The following STAT4 variants were observed in gnomAD, a reference collection of about 807,000 sequenced individuals.
The protein encoded by STAT4 is signal transducer and activator of transcription 4.
In STAT4, 42 loss-of-function variants were observed where a neutral mutation model predicts 110.5. That is an observed-to-expected ratio of 0.38 (90% CI 0.30 to 0.49). The LOEUF (loss-of-function observed/expected upper bound fraction) is 0.49, where lower values mean the gene tolerates loss of function less well. Ranked by LOEUF, STAT4 falls within the 20% of genes least tolerant of loss-of-function variation. The probability of loss-of-function intolerance (pLI) is 0.95; values close to 1 mark genes in which losing one functional copy is unlikely to be tolerated. For missense variants in STAT4, 632 were observed against 887.9 expected (o/e 0.71, Z 3.66); for synonymous variants, 284 against 302.2 (o/e 0.94, Z 0.63).
rs574500856 is a variant in STAT4 at position 191,043,113 on chromosome 2, C to T, written c.1252-1965G>A. On this transcript the variant is annotated intron_variant, in intron 14 of 23. Transcript: ENST00000392320. This position sits in a 1 kb window ranked among gnomAD's most constrained non-coding sequence, Gnocchi z 4.8. ...ATTCCTGTATATATTTGAAAATGCA[C>T]ATTAAAACACTTTTTAAAAACTATA... is the stretch of plus-strand genomic sequence containing the variant. Among the ~76,000 whole-genome samples the T allele has an allele frequency of 3.4e-4, 52 of 152,314 alleles. No individual in the cohort carries two copies. Among genetic ancestry groups the T allele is most frequent in the African/African-American group, 1.2e-3 (50 of 41,568 alleles).
At chr2:191,102,546 T>C (rs1055453049) in intron 3 of STAT4, among the ~76,000 whole-genome samples, 1 of 152,200 alleles carries the variant, frequency 6.6e-6, no homozygotes, top group African/African-American at 2.4e-5. Flanking sequence ...ACTGTGCTAA[T>C]AGAATGAGCT....
chr2:191,132,757 T>A (rs1699070290), intron 3 of STAT4, among the ~76,000 whole-genome samples: 1 of 71,086 alleles, frequency 1.4e-5, no homozygotes, highest in African/African-American at 4.1e-5. Context: ...ATGGTTTTCT[T>A]TTTTTTTTTT....
In STAT4 at chr2:191,137,074, G is replaced by A. The variant is rs530011128; in HGVS notation, c.273+9539C>T. 1.7e-3 allele frequency among the ~76,000 whole-genome samples: 252 copies of A among 152,284 alleles called. 1 individual carries two copies. The highest frequency in any genetic ancestry group is 5.4e-3 in the African/African-American group (224 of 41,560). On this transcript the variant is annotated intron_variant, in intron 3 of 23. Transcript: ENST00000392320. The stretch of plus-strand genomic sequence containing the variant: ...AATTGAAGAGGGCCAGGTGCGGTGT[G>A]GCTCATGTCTGTAATCCCAGGACTT...
intron 3 of STAT4, among the ~76,000 whole-genome samples, chr2:191,141,252 A>C (rs1270930231): frequency 6.6e-6 from 1 of 151,940 alleles, no homozygotes; most frequent in African/African-American, 2.4e-5. Context: ...AGAATTTAAA[A>C]ATTTAAAAGA....
rs1017303879 is a variant in STAT4 at position 191,059,342 on chromosome 2, T to A, written c.1035-573A>T. ...ATGAACAAGTAATTGAAGTTCAGTA[T>A]AAAAATTCCTTTAATTCCTTCTGGT... On this transcript the variant is annotated intron_variant, in intron 10 of 23. Coordinates refer to ENST00000392320, the MANE Select transcript of STAT4 (RefSeq NM_003151.4). The surrounding 1 kb of genome is among the most constrained non-coding windows in gnomAD (Gnocchi z 4.7). Among the ~76,000 whole-genome samples, 3 of 152,242 alleles carry A rather than the reference T, an allele frequency of 2.0e-5. No individual in the cohort carries two copies. The highest frequency in any genetic ancestry group is 4.4e-5 in the Non-Finnish European group (3 of 68,046).
rs1317964297 is a variant in STAT4, at chr2:191,150,350, A to C, written c.-2+597T>G. 3.3e-5 allele frequency among the ~76,000 whole-genome samples: 5 copies of C among 152,146 alleles called. No homozygotes were observed. The highest frequency in any genetic ancestry group is 1.2e-4 in the African/African-American group (5 of 41,416). On this transcript the variant is annotated intron_variant, in intron 1 of 23. Transcript: ENST00000392320. The surrounding 1 kb of genome is among the most constrained non-coding windows in gnomAD (Gnocchi z 6.4). ...TCTAGGGGCTACTTCTTTCTCATGA[A>C]AACTGTGACGTTGCTTCTGAAAACT...
At chr2:191,089,816 T>C (rs1461815091) in intron 3 of STAT4, among the ~76,000 whole-genome samples, 1 of 152,168 alleles carries the variant, frequency 6.6e-6, no homozygotes, top group Non-Finnish European at 1.5e-5. Flanking sequence ...AGGCTACATA[T>C]TGTGTGATTC....
In STAT4 at chr2:191,147,427, G is replaced by A. The variant is rs1574204763; in HGVS notation, c.128+649C>T. Among the ~76,000 whole-genome samples, 1 of 152,270 alleles carries A rather than the reference G, an allele frequency of 6.6e-6. No homozygotes were observed. The highest frequency in any genetic ancestry group is 1.9e-4 in the East Asian group (1 of 5,194). ...AGTTACAAAAGGAAAAATATTGTGTGATTCCAATTATCTAAAGTACCTAGA... is the reference window on the plus strand; with the variant it reads ...AGTTACAAAAGGAAAAATATTGTGTAATTCCAATTATCTAAAGTACCTAGA... On this transcript the variant is annotated intron_variant, in intron 2 of 23. Transcript: ENST00000392320. The surrounding 1 kb of genome is among the most constrained non-coding windows in gnomAD (Gnocchi z 4.1).
chr2:191,106,701 A>AT (rs56105724), intron 3 of STAT4, among the ~76,000 whole-genome samples: 40 of 149,984 alleles, frequency 2.7e-4, no homozygotes, highest in African/African-American at 4.6e-4. Flanking sequence ...ATAAAATAAA[A>AT]AAATGTACTC....
intron 5 of STAT4, among the ~76,000 whole-genome samples, chr2:191,072,672 A>G (rs1199888844): frequency 6.6e-6 from 1 of 152,362 alleles, no homozygotes; most frequent in East Asian, 1.9e-4. Context: ...AATAAAATTG[A>G]TAAATCTCTA....
chr2:191,137,791 G>T (rs1300646785), intron 3 of STAT4, among the ~76,000 whole-genome samples: 3 of 152,034 alleles, frequency 2.0e-5, no homozygotes, highest in African/African-American at 7.2e-5. Context: ...TCAATAAATC[G>T]TGGTGGGATA....
In STAT4 at chr2:191,034,028, TAA is replaced by T; in HGVS notation, c.1621-25_1621-24del. On this transcript the variant is annotated intron_variant, in intron 18 of 23. Coordinates refer to ENST00000392320, the MANE Select transcript of STAT4 (RefSeq NM_003151.4). Reference sequence around the variant, plus strand: ...TTCCTACAGGAATAGACAAGCACATTAAGACAATGATTATTTAAGTAATAATG... The same window carrying T: ...TTCCTACAGGAATAGACAAGCACATTGACAATGATTATTTAAGTAATAATG... The T allele has an allele frequency of 2.8e-6, 4 of 1,450,512 alleles. No homozygotes were observed. The South Asian group carries it at 4.9e-5, about 18-fold the overall frequency. 89.9% of individuals were successfully genotyped at this position (1,450,512 alleles called of 1,614,324 possible).
intron 14 of STAT4, among the ~76,000 whole-genome samples, chr2:191,052,525 T>A (rs1438565520): frequency 6.6e-6 from 1 of 152,252 alleles, no homozygotes; most frequent in East Asian, 1.9e-4. Context: ...GGTTGGTTTT[T>A]CTACAGTGGA....
chr2:191,062,728 G>T lies in STAT4; in HGVS notation c.941+34C>A. 6.2e-7 allele frequency: 1 copy of T among 1,611,530 alleles called. No individual in the cohort carries two copies. On this transcript the variant is annotated intron_variant, in intron 9 of 23. Transcript: ENST00000392320. The surrounding 1 kb of genome is among the most constrained non-coding windows in gnomAD (Gnocchi z 4.9). Reference sequence around the variant, plus strand: ...TTAGGAAGGGTGTTCTTACTTCACAGAATGGAGGATGCCATTGATAGCACT... The same window carrying T: ...TTAGGAAGGGTGTTCTTACTTCACATAATGGAGGATGCCATTGATAGCACT...
chr2:191,073,531 C>CA (rs1001094939), intron 4 of STAT4, among the ~76,000 whole-genome samples: 6 of 150,980 alleles, frequency 4.0e-5, no homozygotes, highest in East Asian at 1.9e-4. Flanking sequence ...TACTAAAATA[C>CA]AAAAAAAAAT....
rs1698398102 is a variant in STAT4 at position 191,110,614 on chromosome 2, T to C, written c.274-34289A>G. On this transcript the variant is annotated intron_variant, in intron 3 of 23. Coordinates refer to ENST00000392320, the MANE Select transcript of STAT4 (RefSeq NM_003151.4). The surrounding 1 kb of genome is among the most constrained non-coding windows in gnomAD (Gnocchi z 4.5). ...TTTCTTTTGTCTTTAAAGTGCTTTT[T>C]GTTTCGTGGTATACATGTATCCAAG... 6.6e-6 allele frequency among the ~76,000 whole-genome samples: 1 copy of C among 152,170 alleles called. No homozygotes were observed. Among genetic ancestry groups the C allele is most frequent in the Admixed American group, 6.5e-5 (1 of 15,276 alleles).
intron 3 of STAT4, among the ~76,000 whole-genome samples, chr2:191,096,185 G>C (rs1697974028): frequency 6.6e-6 from 1 of 152,124 alleles, no homozygotes; most frequent in Non-Finnish European, 1.5e-5. Flanking sequence ...AATTCTACCA[G>C]AGGTACAAAG....
At position 191,135,029 on chromosome 2, in the gene STAT4, C is replaced by T. The variant is rs180809424; in HGVS notation, c.273+11584G>A. Among the ~76,000 whole-genome samples, 2 of 150,254 alleles carry T rather than the reference C, an allele frequency of 1.3e-5. No individual in the cohort carries two copies. Among genetic ancestry groups the T allele is most frequent in the African/African-American group, 2.4e-5 (1 of 40,964 alleles). On this transcript the variant is annotated intron_variant, in intron 3 of 23. Coordinates refer to ENST00000392320, the MANE Select transcript of STAT4 (RefSeq NM_003151.4). The surrounding 1 kb of genome is among the most constrained non-coding windows in gnomAD (Gnocchi z 4.8). Reference sequence around the variant, plus strand: ...AACTAGAAAAGCAAGAAAAAAAAACCGAAATTAGTGGAAGGAAAGAATTAA... The same window carrying T: ...AACTAGAAAAGCAAGAAAAAAAAACTGAAATTAGTGGAAGGAAAGAATTAA...
chr2:191,063,550 G>C (rs1696905473), intron 8 of STAT4, among the ~76,000 whole-genome samples: 1 of 152,186 alleles, frequency 6.6e-6, no homozygotes, highest in Non-Finnish European at 1.5e-5. Context: ...CTAGGAAAGA[G>C]TAAGATTGAA....
Sources: gnomAD v4.1 joint callset for allele counts (sites outside exome capture counted in the v4.1 genomes callset) on GRCh38, gnomAD v4.1.1 for gene constraint, Gnocchi (gnomAD v3.1) non-coding constraint, MANE v1.5 for transcripts, NCBI Gene and HGNC (gene_info 2026-07-23, HGNC 2026-07-21) for gene names.